CRBN: variants seen among roughly 807,000 people sequenced by gnomAD.
CRBN encodes cereblon.
Under a neutral mutation model 62.2 loss-of-function variants are expected in CRBN, and 53 were observed. That is an observed-to-expected ratio of 0.85 (90% CI 0.68 to 1.07). CRBN has a LOEUF of 1.07. Among genes scored for constraint, CRBN ranks in the 50% least tolerant of loss-of-function variants. The pLI is 0.00. For synonymous variants in CRBN, 208 were observed against 176.1 expected (o/e 1.18, Z -1.43); for missense variants, 616 against 531.1 (o/e 1.16, Z -1.57).
intron 10 of CRBN, among the ~76,000 whole-genome samples, chr3:3,151,964 T>G (rs1044252564): frequency 1.3e-5 from 2 of 152,176 alleles, no homozygotes; most frequent in African/African-American, 4.8e-5. Context: ...TTCTACTGGG[T>G]CATAAGACAG....
chr3:3,173,033 T>A, intron 3 of CRBN, 108 bp from the exon 4 acceptor site: 1 of 831,058 alleles, frequency 1.2e-6, no homozygotes, highest in Non-Finnish European at 2.1e-6. Context: ...AATCAACCCT[T>A]ACTACAAAGC....
chr3:3,153,229 T>C, intron 9 of CRBN, 195 bp downstream of exon 9: 1 of 542,694 alleles, frequency 1.8e-6, no homozygotes, highest in South Asian at 2.1e-5. Flanking sequence ...CTGTGAATAA[T>C]CCCTGACATG....
Position 3,170,162 on chromosome 3 carries a change from G to A in CRBN, c.528-2369C>T, listed in dbSNP as rs1683943127. 2.6e-5 allele frequency among the ~76,000 whole-genome samples: 4 copies of A among 152,176 alleles called. No individual in the cohort carries two copies. In the South Asian group the frequency reaches 8.3e-4, roughly 32 times the overall value. Reference sequence around the variant, plus strand: ...GCCCAGCTAATTTCTTGTATTTTTAGTAGTGATGCAGCTTCACCATGTTGG... The same window carrying A: ...GCCCAGCTAATTTCTTGTATTTTTAATAGTGATGCAGCTTCACCATGTTGG... On this transcript the variant is annotated intron_variant, in intron 4 of 10. Coordinates refer to ENST00000231948, the MANE Select transcript of CRBN (RefSeq NM_016302.4).
chr3:3,165,360 A>G (rs1707288980), intron 5 of CRBN, among the ~76,000 whole-genome samples: 1 of 152,218 alleles, frequency 6.6e-6, no homozygotes, highest in Non-Finnish European at 1.5e-5. Flanking sequence ...GCTATCAAAC[A>G]GCGCCGCATG....
intron 1 of CRBN, among the ~76,000 whole-genome samples, chr3:3,175,704 T>C (rs1707802842): frequency 6.6e-6 from 1 of 152,108 alleles, no homozygotes; most frequent in African/African-American, 2.4e-5. Context: ...AGTTATCAGG[T>C]CCCCCTACCC....
intron 4 of CRBN, among the ~76,000 whole-genome samples, chr3:3,168,710 C>T (rs1387042012): frequency 1.3e-5 from 2 of 152,116 alleles, no homozygotes. Flanking sequence ...GGATGAAATT[C>T]TGACATTTTA....
chr3:3,178,562 G>T (rs1707927705), intron 1 of CRBN, among the ~76,000 whole-genome samples: 3 of 151,678 alleles, frequency 2.0e-5, no homozygotes, highest in Admixed American at 2.0e-4. Context: ...GATGTCTCCT[G>T]ATCTACCTGA....
At chr3:3,178,547 T>C (rs146609426) in intron 1 of CRBN, among the ~76,000 whole-genome samples, 2 of 152,320 alleles carry the variant, frequency 1.3e-5, no homozygotes, top group African/African-American at 4.8e-5. Flanking sequence ...AAATATGTGC[T>C]TTTAGATGTC....
chr3:3,156,452 T>C (rs141358904), intron 5 of CRBN, 171 bp from the exon 6 acceptor site: 8,313 of 627,114 alleles, frequency 0.013, 146 homozygotes, highest in South Asian at 0.024. Flanking sequence ...TGTGAAATCA[T>C]GCTTCCTATA....
chr3:3,170,365 T>C (rs1038254683), intron 4 of CRBN, among the ~76,000 whole-genome samples: 3 of 152,238 alleles, frequency 2.0e-5, no homozygotes, highest in African/African-American at 7.2e-5. Context: ...TTCTATATGC[T>C]TATTTCTCTA....
intron 5 of CRBN, among the ~76,000 whole-genome samples, chr3:3,157,923 A>G (rs1575085829): frequency 6.6e-6 from 1 of 152,226 alleles, no homozygotes; most frequent in East Asian, 1.9e-4. Context: ...AAGTGGACAC[A>G]CTGGTTTTCA....
intron 5 of CRBN, among the ~76,000 whole-genome samples, chr3:3,163,932 T>C (rs1000721359): frequency 6.6e-6 from 1 of 152,238 alleles, no homozygotes; most frequent in Admixed American, 6.5e-5. Flanking sequence ...ATTTTGGTAA[T>C]TCTCACAATA....
chr3:3,151,992 A>T (rs1669342), intron 10 of CRBN, among the ~76,000 whole-genome samples: 1 of 152,004 alleles, frequency 6.6e-6, no homozygotes, highest in African/African-American at 2.4e-5. Context: ...TCAGAATTAC[A>T]TGACTGACAG....
intron 5 of CRBN, among the ~76,000 whole-genome samples, chr3:3,158,936 A>G (rs1707023808): frequency 6.6e-6 from 1 of 151,984 alleles, no homozygotes; most frequent in Admixed American, 6.6e-5. Flanking sequence ...AATCATGGGG[A>G]CAGTTACTGC....
rs1204346605 is a variant in CRBN, at chr3:3,150,674, CT to C, written c.*190del. 1.7e-6 allele frequency: 1 copy of C among 573,998 alleles called. No individual in the cohort carries two copies. Among genetic ancestry groups the C allele is most frequent in the Non-Finnish European group, 3.0e-6 (1 of 329,702 alleles). 35.6% of individuals were successfully genotyped at this position (573,998 alleles called of 1,614,324 possible). On this transcript the variant is annotated 3_prime_UTR_variant, in exon 11 of 11. Coordinates refer to ENST00000231948, the MANE Select transcript of CRBN (RefSeq NM_016302.4). Reference sequence around the variant, plus strand: ...CTGGTATTCTAGACTGCCGTTCATGCTTGTTTCCTAAAGTATACTTAAAAGT... The same window carrying C: ...CTGGTATTCTAGACTGCCGTTCATGCTGTTTCCTAAAGTATACTTAAAAGT...
At chr3:3,176,512 G>GATC (rs1707828182) in intron 1 of CRBN, among the ~76,000 whole-genome samples, 1 of 152,204 alleles carries the variant, frequency 6.6e-6, no homozygotes, top group South Asian at 2.1e-4. Flanking sequence ...GAGGCAGGCA[G>GATC]ATCACTTGAG....
In CRBN at chr3:3,164,355, C is replaced by A. The variant is rs1034560334; in HGVS notation, c.687+3279G>T. Among the ~76,000 whole-genome samples, 4 of 152,232 alleles carry A rather than the reference C, an allele frequency of 2.6e-5. No homozygotes were observed. The South Asian group carries it at 8.3e-4, about 32-fold the overall frequency. ...ATATGAAATGCTACTCTGGTGAAAG[C>A]CAAAAAGTCTTATTACTGATATGGA... On this transcript the variant is annotated intron_variant, in intron 5 of 10. Coordinates refer to ENST00000231948, the MANE Select transcript of CRBN (RefSeq NM_016302.4).
intron 5 of CRBN, among the ~76,000 whole-genome samples, chr3:3,157,871 A>C (rs1053391961): frequency 1.3e-5 from 2 of 152,292 alleles, no homozygotes. Context: ...TATCAAAGGG[A>C]ATGTCTTGTT....
At position 3,174,043 on chromosome 3, in the gene CRBN, G is replaced by T. The variant is rs941781129; in HGVS notation, c.377+16C>A. On this transcript the variant is annotated intron_variant, in intron 3 of 10. Coordinates refer to ENST00000231948, the MANE Select transcript of CRBN (RefSeq NM_016302.4). The stretch of plus-strand genomic sequence containing the variant: ...TGAGAGGGAATGTATTAAGCAAATG[G>T]ACTCTAATATTTTACCTGTATGCAA... The T allele has an allele frequency of 6.2e-7, 1 of 1,603,120 alleles. No homozygotes were observed. The highest frequency in any genetic ancestry group is 8.5e-7 in the Non-Finnish European group (1 of 1,170,220).
Sources: allele counts gnomAD v4.1 joint callset (sites outside exome capture counted in the v4.1 genomes callset), GRCh38; gene constraint gnomAD v4.1.1; transcripts MANE v1.5; gene names NCBI Gene and HGNC (gene_info 2026-07-23, HGNC 2026-07-21).